The following MEST variants were observed in gnomAD, a reference collection of about 807,000 sequenced individuals.
MEST encodes the protein mesoderm-specific transcript homolog protein.
Under a neutral mutation model 50.9 loss-of-function variants are expected in MEST, and 18 were observed. The ratio of observed to expected loss-of-function variants is 0.35; its 90% CI spans 0.24 to 0.52. MEST has a LOEUF of 0.52. MEST is among the 20% of genes least tolerant of loss of function. The pLI, the probability that MEST is intolerant of heterozygous loss-of-function variation, is 0.94. For synonymous variants in MEST, 130 were observed against 154.1 expected (o/e 0.84, Z 1.16); for missense variants, 282 against 425.3 (o/e 0.66, Z 2.96).
upstream of MEST, among the ~76,000 whole-genome samples, chr7:130,491,666 C>CTGTG (rs1357828277): frequency 6.6e-6 from 1 of 152,106 alleles, no homozygotes; most frequent in Non-Finnish European, 1.5e-5. This position sits in a 1 kb window ranked among gnomAD's most constrained non-coding sequence, Gnocchi z 6.8. Context: ...CCCTGCTGCC[C>CTGTG]CTTAGTTCGA....
At chr7:130,498,674 A>G in intron 6 of MEST, 197 bp downstream of exon 6, 2 of 617,950 alleles carry the variant, frequency 3.2e-6, no homozygotes, top group South Asian at 2.0e-5. Flanking sequence ...GTTTTAAAAT[A>G]AAGAAACAAA....
At chr7:130,498,745 C>T in intron 6 of MEST, 3 of 548,140 alleles carry the variant, frequency 5.5e-6, no homozygotes, top group Non-Finnish European at 9.8e-6. Flanking sequence ...ATTATAGTCA[C>T]ATGTGCTTTT....
rs1799226084 is a variant in MEST, at chr7:130,500,289, A to G, written c.577-173A>G. Among the ~76,000 whole-genome samples the G allele has an allele frequency of 6.6e-6, 1 of 152,256 alleles. No individual in the cohort carries two copies. The highest frequency in any genetic ancestry group is 1.5e-5 in the Non-Finnish European group (1 of 68,044). The stretch of plus-strand genomic sequence containing the variant: ...AGTAATCTTAGATGGAATTAGAAAT[A>G]GATTTGTCTTCCTTGAGAGAAGAAT... On this transcript the variant is annotated intron_variant, in intron 7 of 11. Transcript: ENST00000223215. This position sits in a 1 kb window ranked among gnomAD's most constrained non-coding sequence, Gnocchi z 5.0.
chr7:130,502,832 C>A (rs1204658742), intron 10 of MEST, 112 bp downstream of exon 10: 1 of 713,066 alleles, frequency 1.4e-6, no homozygotes, highest in Non-Finnish European at 2.3e-6. Flanking sequence ...ATATAAGATA[C>A]CCAGTTAAAT....
At chr7:130,495,289 C>T in intron 1 of MEST, 79 bp from the exon 2 acceptor site, 1 of 1,425,096 alleles carries the variant, frequency 7.0e-7, no homozygotes, top group Non-Finnish European at 9.5e-7. Flanking sequence ...TCTCCCACCC[C>T]ATCTTACCAG....
intron 10 of MEST, among the ~76,000 whole-genome samples, chr7:130,503,351 A>G (rs1441807975): frequency 6.6e-6 from 1 of 152,256 alleles, no homozygotes; most frequent in Non-Finnish European, 1.5e-5. Context: ...AGTTGGGCAT[A>G]TCCCATTTGG....
In MEST at chr7:130,497,135, T is replaced by C. The variant is rs782148665; in HGVS notation, c.182-21T>C. Reference sequence around the variant, plus strand: ...TTTTATAGGGATTTGGCATAATTGATTGTACTTTCCTTCTTCCTAGACTCT... The same window carrying C: ...TTTTATAGGGATTTGGCATAATTGACTGTACTTTCCTTCTTCCTAGACTCT... On this transcript the variant is annotated intron_variant, in intron 2 of 11. Transcript: ENST00000223215. The surrounding 1 kb of genome is among the most constrained non-coding windows in gnomAD (Gnocchi z 4.0). 3.7e-5 allele frequency: 59 copies of C among 1,597,080 alleles called. No homozygotes were observed. In the East Asian group the frequency reaches 5.2e-4, roughly 14 times the overall value.
intron 6 of MEST, 198 bp downstream of exon 6, chr7:130,498,675 A>G (rs1799163121): frequency 1.6e-6 from 1 of 618,084 alleles, no homozygotes; most frequent in Admixed American, 2.9e-5. Flanking sequence ...TTTTAAAATA[A>G]AGAAACAAAC....
chr7:130,490,724 C>T (rs1554434918), upstream of MEST: 1 of 152,212 alleles, frequency 6.6e-6, no homozygotes, highest in South Asian at 2.1e-4. Flanking sequence ...TGTTTTCGGG[C>T]CGGGGCTATT....
chr7:130,502,799 G>A, intron 10 of MEST, 79 bp downstream of exon 10: 1 of 1,013,962 alleles, frequency 9.9e-7, no homozygotes, highest in East Asian at 2.4e-5. Context: ...TACAATTAGG[G>A]TTACCAGATT....
At chr7:130,498,544 A>G in intron 6 of MEST, 67 bp downstream of exon 6, 1 of 1,353,570 alleles carries the variant, frequency 7.4e-7, no homozygotes, top group Admixed American at 1.7e-5. Context: ...ATACAGCGGC[A>G]CCTAAATGGT....
chr7:130,499,803 T>G, intron 6 of MEST, 72 bp from the exon 7 acceptor site: 472 of 1,271,288 alleles, frequency 3.7e-4, no homozygotes, highest in Middle Eastern at 1.0e-3. Flanking sequence ...GGCAACCCAG[T>G]GAGATCCCGT....
chr7:130,499,534 T>C (rs1554438043), intron 6 of MEST, among the ~76,000 whole-genome samples: 1 of 152,248 alleles, frequency 6.6e-6, no homozygotes. Flanking sequence ...ATGGGAAAAG[T>C]AATTCCAGTG....
intron 2 of MEST, chr7:130,495,777 A>AATTTT (rs1563021896): frequency 5.0e-6 from 1 of 201,796 alleles, no homozygotes; most frequent in Non-Finnish European, 9.3e-6. Context: ...TTCCAATATT[A>AATTTT]GTTTTTTTTT....
rs1285103995 is a variant in MEST at position 130,492,200 on chromosome 7, C to T, written c.-114C>T. 2.7e-5 allele frequency: 25 copies of T among 910,248 alleles called. No individual in the cohort carries two copies. The highest frequency in any genetic ancestry group is 3.4e-5 in the Non-Finnish European group (24 of 707,330). 56.4% of individuals were successfully genotyped at this position (910,248 alleles called of 1,614,324 possible). A position where few individuals can be genotyped will look rare whatever the true frequency, so the allele number is the denominator to read the frequency against. On this transcript the variant is annotated 5_prime_UTR_variant, in exon 1 of 12. Coordinates refer to ENST00000223215, the MANE Select transcript of MEST (RefSeq NM_002402.4). The surrounding 1 kb of genome is among the most constrained non-coding windows in gnomAD (Gnocchi z 7.6). The stretch of plus-strand genomic sequence containing the variant: ...CTGCCCGGCGCGGCGCCGCCCTGCG[C>T]GGGCTGTGGGCTGCGGGCTGCGCCC...
Position 130,497,269 on chromosome 7 carries a change from C to G in MEST, c.261+34C>G. The G allele has an allele frequency of 6.3e-7, 1 of 1,583,266 alleles. No homozygotes were observed. The highest frequency in any genetic ancestry group is 8.6e-7 in the Non-Finnish European group (1 of 1,159,364). On this transcript the variant is annotated intron_variant, in intron 3 of 11. Coordinates refer to ENST00000223215, the MANE Select transcript of MEST (RefSeq NM_002402.4). The surrounding 1 kb of genome is among the most constrained non-coding windows in gnomAD (Gnocchi z 4.0). ...GTCAGACTTCTACGTCCTACTATGTCTTAAAAAATCTCGGCCGGGCGCGGG... is the reference window on the plus strand; with the variant it reads ...GTCAGACTTCTACGTCCTACTATGTGTTAAAAAATCTCGGCCGGGCGCGGG...
chr7:130,496,053 A>G (rs891438008), intron 2 of MEST: 12 of 466,766 alleles, frequency 2.6e-5, no homozygotes, highest in Non-Finnish European at 4.4e-5. Flanking sequence ...ATTTGGAGAT[A>G]GGTGCCATTA....
intron 2 of MEST, chr7:130,496,740 T>TA (rs1442058763): frequency 1.9e-5 from 3 of 160,764 alleles, no homozygotes; most frequent in African/African-American, 4.8e-5. Flanking sequence ...TGCTGTATCT[T>TA]AGAGAATTTC....
chr7:130,497,411 G>C lies in MEST; in HGVS notation c.261+176G>C. 1 of 426,004 alleles carries C rather than the reference G, an allele frequency of 2.3e-6. No individual in the cohort carries two copies. The highest frequency in any genetic ancestry group is 4.2e-6 in the Non-Finnish European group (1 of 239,104). The allele number at this position is 426,004 out of a possible 1,614,324, so 26.4% of individuals were successfully genotyped here. A position where few individuals can be genotyped will look rare whatever the true frequency, so the allele number is the denominator to read the frequency against. Reference sequence around the variant, plus strand: ...ATCTCTACTAAAAGTATAAAAATTGGCCAGGCATGGTGGCACAAGCCTGTA... The same window carrying C: ...ATCTCTACTAAAAGTATAAAAATTGCCCAGGCATGGTGGCACAAGCCTGTA... On this transcript the variant is annotated intron_variant, in intron 3 of 11. Coordinates refer to ENST00000223215, the MANE Select transcript of MEST (RefSeq NM_002402.4). This position sits in a 1 kb window ranked among gnomAD's most constrained non-coding sequence, Gnocchi z 4.0.
Sources: gnomAD v4.1 joint callset for allele counts (sites outside exome capture counted in the v4.1 genomes callset) on GRCh38, gnomAD v4.1.1 for gene constraint, Gnocchi (gnomAD v3.1) non-coding constraint, MANE v1.5 for transcripts, NCBI Gene and HGNC (gene_info 2026-07-23, HGNC 2026-07-21) for gene names.